Variants in SEC14L1 observed in about 807,000 individuals in gnomAD.
SEC14L1 encodes the protein SEC14-like protein 1.
In SEC14L1, 48 loss-of-function variants were observed where a neutral mutation model predicts 85.3. The observed-to-expected ratio is 0.56, with a 90% CI of 0.45 to 0.72. The LOEUF is 0.72. SEC14L1 is among the 30% of genes least tolerant of loss of function. The pLI is 0.00. For synonymous variants in SEC14L1, 391 were observed against 355.5 expected (o/e 1.10, Z -1.12); for missense variants, 682 against 921.4 (o/e 0.74, Z 3.36).
At position 77,093,084 on chromosome 17, in the gene SEC14L1, C is replaced by A. The variant is rs1304887365; in HGVS notation, c.-239-160C>A. Among the ~76,000 whole-genome samples, 3 of 152,100 alleles carry A rather than the reference C, an allele frequency of 2.0e-5. No individual in the cohort carries two copies. In the South Asian group the frequency reaches 6.2e-4, roughly 32 times the overall value. ...TGGAAGAATGAGGGGTGGCTGGGGG[C>A]CCATTCCCCGCAGGGCAGAATCCCA... is the stretch of plus-strand genomic sequence containing the variant. On this transcript the variant is annotated intron_variant, in intron 2 of 19. Coordinates refer to the SEC14L1 transcript ENST00000392476.
intron 2 of SEC14L1, among the ~76,000 whole-genome samples, chr17:77,090,343 G>A (rs1971482669): frequency 6.6e-6 from 1 of 151,714 alleles, no homozygotes; most frequent in African/African-American, 2.4e-5. Context: ...TCTGAAGGAA[G>A]GGAACGTAAG....
chr17:77,180,801 A>G (rs1439465729), intron 3 of SEC14L1, among the ~76,000 whole-genome samples: 1 of 152,210 alleles, frequency 6.6e-6, no homozygotes, highest in Non-Finnish European at 1.5e-5. Flanking sequence ...TTTCTTTGAA[A>G]GGGCTCAAGT....
At chr17:77,100,129 C>A (rs1284124806) in intron 3 of SEC14L1, among the ~76,000 whole-genome samples, 5 of 152,272 alleles carry the variant, frequency 3.3e-5, no homozygotes, top group Non-Finnish European at 7.3e-5. Flanking sequence ...GCGTGCTGCG[C>A]TGCTTCTCTT....
chr17:77,141,406 T>G (rs1416480633), intron 1 of SEC14L1: 1 of 146,840 alleles, frequency 6.8e-6, no homozygotes, highest in African/African-American at 2.5e-5. Flanking sequence ...GAGCGGAGTT[T>G]CGGGTCCGGA....
rs540160906 is a variant in SEC14L1, at chr17:77,195,064, C to G, written c.709+153C>G. 8.2e-6 allele frequency: 5 copies of G among 606,956 alleles called. No individual in the cohort carries two copies. The South Asian group carries it at 1.0e-4, about 12-fold the overall frequency. The allele number at this position is 606,956 out of a possible 1,614,324, so 37.6% of individuals were successfully genotyped here. On this transcript the variant is annotated intron_variant, in intron 7 of 16. Coordinates refer to ENST00000436233, the MANE Select transcript of SEC14L1 (RefSeq NM_001143998.2). Reference sequence around the variant, plus strand: ...CTCTCGTTTCTGGCCCTTGTCCTCTCGCTTATGTAATACATTCATTTTACC... The same window carrying G: ...CTCTCGTTTCTGGCCCTTGTCCTCTGGCTTATGTAATACATTCATTTTACC...
chr17:77,185,482 G>C, intron 3 of SEC14L1: 1 of 634,952 alleles, frequency 1.6e-6, no homozygotes, highest in Non-Finnish European at 2.0e-6. Context: ...GTGAGGCTGC[G>C]TGGGTGACAC....
chr17:77,179,065 A>G (rs1390515656), intron 3 of SEC14L1, among the ~76,000 whole-genome samples: 1 of 152,190 alleles, frequency 6.6e-6, no homozygotes, highest in Non-Finnish European at 1.5e-5. Context: ...TAGCAAGAAT[A>G]TATATCATGT....
chr17:77,201,116 T>C (rs1392963578), intron 9 of SEC14L1, among the ~76,000 whole-genome samples: 1 of 152,236 alleles, frequency 6.6e-6, no homozygotes, highest in Admixed American at 6.5e-5. Context: ...TCAGTTCTGC[T>C]TTGGGAGTAA....
At chr17:77,115,358 G>A (rs542956265) in intron 3 of SEC14L1, among the ~76,000 whole-genome samples, 16 of 152,250 alleles carry the variant, frequency 1.1e-4, no homozygotes, top group African/African-American at 2.9e-4. Flanking sequence ...GAACCCGGGA[G>A]GCAGAGGTTG....
At chr17:77,104,889 T>C (rs1567870446) in intron 3 of SEC14L1, among the ~76,000 whole-genome samples, 1 of 151,116 alleles carries the variant, frequency 6.6e-6, no homozygotes, top group Non-Finnish European at 1.5e-5. Flanking sequence ...TGAGGACACA[T>C]ACCCAAGGTG....
chr17:77,099,105 T>C (rs1340186653), intron 3 of SEC14L1: 1 of 152,172 alleles, frequency 6.6e-6, no homozygotes, highest in Non-Finnish European at 1.5e-5. Context: ...GAAGGTCACA[T>C]GTTCACAGAC....
chr17:77,145,764 G>A (rs141600938), intron 3 of SEC14L1, among the ~76,000 whole-genome samples: 324 of 152,336 alleles, frequency 2.1e-3, no homozygotes, highest in African/African-American at 7.6e-3. Flanking sequence ...GAGCCTGGTA[G>A]TGGAGGGAGG....
At chr17:77,113,020 A>C (rs1229772000) in intron 3 of SEC14L1, among the ~76,000 whole-genome samples, 3 of 152,002 alleles carry the variant, frequency 2.0e-5, no homozygotes, top group Non-Finnish European at 1.5e-5. Flanking sequence ...TTAATCAGGC[A>C]TAGTGACATG....
chr17:77,187,244 G>A (rs1305204929), intron 3 of SEC14L1, among the ~76,000 whole-genome samples: 1 of 152,116 alleles, frequency 6.6e-6, no homozygotes, highest in Non-Finnish European at 1.5e-5. Flanking sequence ...ACAGAGGGGT[G>A]ACATCTATCA....
chr17:77,151,415 C>A (rs537671363), intron 3 of SEC14L1, among the ~76,000 whole-genome samples: 11 of 152,226 alleles, frequency 7.2e-5, no homozygotes, highest in Admixed American at 5.9e-4. Flanking sequence ...AGACCTTCTC[C>A]CTTGTGTTCC....
intron 3 of SEC14L1, among the ~76,000 whole-genome samples, chr17:77,154,909 ACTTT>A (rs372724448): frequency 2.8e-3 from 424 of 151,710 alleles, no homozygotes; most frequent in African/African-American, 0.01. Context: ...TCTGATCTGG[ACTTT>A]CTTTATTCCA....
At chr17:77,171,519 A>G (rs912572940) in intron 3 of SEC14L1, among the ~76,000 whole-genome samples, 4 of 152,204 alleles carry the variant, frequency 2.6e-5, no homozygotes, top group African/African-American at 9.7e-5. Flanking sequence ...GACGTGAACA[A>G]CAGCTATTTG....
rs372974066 is a variant in SEC14L1, at chr17:77,112,811, T to C, written c.-136+19464T>C. Among the ~76,000 whole-genome samples the C allele has an allele frequency of 2.4e-4, 36 of 151,704 alleles. 1 individual carries two copies. Among genetic ancestry groups the C allele is most frequent in the African/African-American group, 8.2e-4 (34 of 41,328 alleles). On this transcript the variant is annotated intron_variant, in intron 3 of 19. Transcript: ENST00000392476. The stretch of plus-strand genomic sequence containing the variant: ...ATGGTGTGAACCTGGGAGGTGGAGC[T>C]TGCAGTGAGCCAAGATCGCGCCACT...
At position 77,213,580 on chromosome 17, in the gene SEC14L1, C is replaced by A. The variant is rs767644770; in HGVS notation, c.2042+88C>A. On this transcript the variant is annotated intron_variant, in intron 16 of 16. Coordinates refer to ENST00000436233, the MANE Select transcript of SEC14L1 (RefSeq NM_001143998.2). This position sits in a 1 kb window ranked among gnomAD's most constrained non-coding sequence, Gnocchi z 7.1. ...AGTCCCACGCCGTGTGCAGGATCAGCAGTGGCGGCGGGTGTCAGGAATGCT... is the reference window on the plus strand; with the variant it reads ...AGTCCCACGCCGTGTGCAGGATCAGAAGTGGCGGCGGGTGTCAGGAATGCT... The A allele has an allele frequency of 1.3e-6, 2 of 1,501,338 alleles. No individual in the cohort carries two copies. Among genetic ancestry groups the A allele is most frequent in the Non-Finnish European group, 1.8e-6 (2 of 1,098,830 alleles). 93.0% of individuals were successfully genotyped at this position (1,501,338 alleles called of 1,614,324 possible).
Sources: allele counts gnomAD v4.1 joint callset (sites outside exome capture counted in the v4.1 genomes callset), GRCh38; gene constraint gnomAD v4.1.1; non-coding constraint Gnocchi (gnomAD v3.1); transcripts MANE v1.5; gene names NCBI Gene and HGNC (gene_info 2026-07-23, HGNC 2026-07-21).